SLC2A1: variants seen among roughly 807,000 people sequenced by gnomAD.
The protein encoded by SLC2A1 is solute carrier family 2 member 1, also known as solute carrier family 2, facilitated glucose transporter member 1.
SLC2A1 carries 4 observed loss-of-function variants against 46.6 expected under a neutral mutation model. The observed-to-expected ratio is 0.09, with a 90% CI of 0.04 to 0.20. The LOEUF is 0.20. Among genes scored for constraint, SLC2A1 ranks in the 10% least tolerant of loss-of-function variants. The pLI is 1.00. For synonymous variants in SLC2A1, 253 were observed against 270.0 expected (o/e 0.94, Z 0.62); for missense variants, 352 against 667.0 (o/e 0.53, Z 5.20).
rs1159893311 is a variant in SLC2A1, at chr1:42,929,105, C to T, written c.973-72G>A. 1 of 1,567,674 alleles carries T rather than the reference C, an allele frequency of 6.4e-7. No homozygotes were observed. The highest frequency in any genetic ancestry group is 1.7e-5 in the Admixed American group (1 of 59,874). ...TGAACCCACCCACCCAGAGGCCTTG[C>T]CTCAAGAGCTGAGAAAGTCACAGGG... On this transcript the variant is annotated intron_variant, in intron 7 of 9. Transcript: ENST00000426263. This position sits in a 1 kb window ranked among gnomAD's most constrained non-coding sequence, Gnocchi z 6.0.
intron 2 of SLC2A1, among the ~76,000 whole-genome samples, chr1:42,931,945 C>A (rs545033257): frequency 4.6e-5 from 7 of 152,306 alleles, no homozygotes; most frequent in South Asian, 2.1e-4. Flanking sequence ...GGCCCTCCCC[C>A]CAACCCCTTG....
rs144784155 is a variant in SLC2A1, at chr1:42,947,581, C to CAAAAA, written c.19-4265_19-4261dup. ...TACTAAAATTACACACACACACACA[C>CAAAAA]AAAAAAAAAAAAAAAAAAAAAAAAA... On this transcript the variant is annotated intron_variant, in intron 1 of 9. Coordinates refer to ENST00000426263, the MANE Select transcript of SLC2A1 (RefSeq NM_006516.4). Among the ~76,000 whole-genome samples, 75 of 55,704 alleles carry CAAAAA rather than the reference C, an allele frequency of 1.3e-3. 1 individual carries two copies. Among genetic ancestry groups the CAAAAA allele is most frequent in the East Asian group, 3.3e-3 (6 of 1,812 alleles). The allele number at this position is 55,704 out of a possible 152,430, so 36.5% of individuals were successfully genotyped here. A position where few individuals can be genotyped will look rare whatever the true frequency, so the allele number is the denominator to read the frequency against.
At chr1:42,953,680 T>C (rs1171420642) in intron 1 of SLC2A1, among the ~76,000 whole-genome samples, 1 of 152,186 alleles carries the variant, frequency 6.6e-6, no homozygotes, top group East Asian at 1.9e-4. Context: ...GGGAGCTGGA[T>C]GGCTGTACCC....
At position 42,949,673 on chromosome 1, in the gene SLC2A1, T is replaced by TATC. The variant is rs1553157308; in HGVS notation, c.19-6353_19-6352insGAT. On this transcript the variant is annotated intron_variant, in intron 1 of 9. Transcript: ENST00000426263. ...ACTGAGAGGAGGGGGCTGGTGCATT[T>TATC]AGCAGCAGCAGCAGCAGCGAGCTGA... Among the ~76,000 whole-genome samples the TATC allele has an allele frequency of 4.8e-4, 73 of 152,242 alleles. 1 individual carries two copies. Among genetic ancestry groups the TATC allele is most frequent in the African/African-American group, 1.7e-3 (69 of 41,546 alleles).
intron 1 of SLC2A1, among the ~76,000 whole-genome samples, chr1:42,947,539 T>C (rs1433616535): frequency 7.8e-6 from 1 of 127,524 alleles, no homozygotes; most frequent in Non-Finnish European, 1.6e-5. Flanking sequence ...CTGGGCAATA[T>C]GGTGAAACCA....
At chr1:42,943,422 G>T in intron 1 of SLC2A1, 101 bp from the exon 2 acceptor site, 1 of 878,156 alleles carries the variant, frequency 1.1e-6, no homozygotes, top group Non-Finnish European at 1.9e-6. Flanking sequence ...TATCTTGCCT[G>T]ACTCTTGGCA....
At chr1:42,933,830 ACAAG>A (rs1643516233) in intron 2 of SLC2A1, among the ~76,000 whole-genome samples, 4 of 152,130 alleles carry the variant, frequency 2.6e-5, no homozygotes, top group Admixed American at 2.6e-4. Flanking sequence ...AACCAGACCT[ACAAG>A]CAGGGCTGCA....
intron 2 of SLC2A1, among the ~76,000 whole-genome samples, chr1:42,940,579 C>A (rs1643587488): frequency 1.4e-5 from 2 of 145,352 alleles, no homozygotes; most frequent in Non-Finnish European, 3.0e-5. Context: ...ATGGGTTGTT[C>A]TCTGGGGCCT....
chr1:42,954,736 C>T lies in SLC2A1; in HGVS notation c.18+3898G>A, dbSNP rs1643756199. 6.6e-6 allele frequency among the ~76,000 whole-genome samples: 1 copy of T among 152,168 alleles called. No individual in the cohort carries two copies. On this transcript the variant is annotated intron_variant, in intron 1 of 9. Transcript: ENST00000426263. This position sits in a 1 kb window ranked among gnomAD's most constrained non-coding sequence, Gnocchi z 4.2. ...TGGCAGCATGTCTTGGGGTGGGAGG[C>T]TCAGTGTGTGATCTTGGCAAAGTCA...
intron 1 of SLC2A1, among the ~76,000 whole-genome samples, chr1:42,956,419 AAAAAAAAAAAAAAAC>A (rs1643775702): frequency 1.5e-5 from 2 of 130,426 alleles, no homozygotes; most frequent in African/African-American, 5.9e-5. Context: ...AAAAAAAAAA[AAAAAAAAAAAAAAAC>A]ATTAGCTGGG....
At chr1:42,951,589 G>A in intron 1 of SLC2A1, 1 of 365,030 alleles carries the variant, frequency 2.7e-6, no homozygotes, top group South Asian at 1.5e-4. Context: ...AGTCTTTAGG[G>A]TAAACACCAA....
chr1:42,930,310 G>T lies in SLC2A1; in HGVS notation c.517-275C>A. 1.6e-6 allele frequency: 1 copy of T among 626,632 alleles called. No homozygotes were observed. The highest frequency in any genetic ancestry group is 2.9e-6 in the Non-Finnish European group (1 of 349,190). The allele number at this position is 626,632 out of a possible 1,614,324, so 38.8% of individuals were successfully genotyped here. On this transcript the variant is annotated intron_variant, in intron 4 of 9. Transcript: ENST00000426263. The surrounding 1 kb of genome is among the most constrained non-coding windows in gnomAD (Gnocchi z 6.2). ...GGGGCTGCTACTCTGCCACAAGAGG[G>T]TTTTGGGGACAGGGAAGGGGAAGCC...
intron 1 of SLC2A1, among the ~76,000 whole-genome samples, chr1:42,953,213 A>G (rs1643739669): frequency 6.6e-6 from 1 of 152,258 alleles, no homozygotes; most frequent in Non-Finnish European, 1.5e-5. Flanking sequence ...AGGGTGCAGA[A>G]GCCTCAGGGA....
chr1:42,945,176 A>G (rs536866660), intron 1 of SLC2A1, among the ~76,000 whole-genome samples: 1 of 152,362 alleles, frequency 6.6e-6, no homozygotes, highest in South Asian at 2.1e-4. Flanking sequence ...CATGGGATGC[A>G]AAGTATATAC....
At chr1:42,928,360 G>T (rs1487695479) in intron 8 of SLC2A1, among the ~76,000 whole-genome samples, 2 of 152,216 alleles carry the variant, frequency 1.3e-5, no homozygotes, top group African/African-American at 4.8e-5. Context: ...TTGCCCAGAG[G>T]CTAAATAAAC....
chr1:42,927,287 C>A lies in SLC2A1; in HGVS notation c.1279-46G>T. Reference sequence around the variant, plus strand: ...CTTGGTTGGAGTCATGACCCTACATCCTGGCTGTAGGACTTTGGATAAGTC... The same window carrying A: ...CTTGGTTGGAGTCATGACCCTACATACTGGCTGTAGGACTTTGGATAAGTC... On this transcript the variant is annotated intron_variant, in intron 9 of 9. Transcript: ENST00000426263. The surrounding 1 kb of genome is among the most constrained non-coding windows in gnomAD (Gnocchi z 5.3). The A allele has an allele frequency of 6.3e-7, 1 of 1,575,944 alleles. No homozygotes were observed. Among genetic ancestry groups the A allele is most frequent in the Non-Finnish European group, 8.7e-7 (1 of 1,146,424 alleles).
chr1:42,943,844 C>G (rs992700509), intron 1 of SLC2A1, among the ~76,000 whole-genome samples: 2 of 152,210 alleles, frequency 1.3e-5, no homozygotes, highest in African/African-American at 4.8e-5. Context: ...CATGTACCAC[C>G]TCTCCCCTAT....
chr1:42,944,300 C>T (rs1013022526), intron 1 of SLC2A1, among the ~76,000 whole-genome samples: 1 of 152,184 alleles, frequency 6.6e-6, no homozygotes, highest in Non-Finnish European at 1.5e-5. Context: ...GAGAGGCCAG[C>T]AGGGTGTCAG....
At chr1:42,939,894 A>G (rs943909523) in intron 2 of SLC2A1, among the ~76,000 whole-genome samples, 11 of 148,568 alleles carry the variant, frequency 7.4e-5, no homozygotes, top group African/African-American at 2.2e-4. Flanking sequence ...CGGAGGTTGC[A>G]GTGAGCCAAG....
Sources: gnomAD v4.1 joint callset for allele counts (sites outside exome capture counted in the v4.1 genomes callset) on GRCh38, gnomAD v4.1.1 for gene constraint, Gnocchi (gnomAD v3.1) non-coding constraint, MANE v1.5 for transcripts, NCBI Gene and HGNC (gene_info 2026-07-23, HGNC 2026-07-21) for gene names.